Variants in RABGAP1L observed in about 807,000 individuals in gnomAD.
RABGAP1L encodes RAB GTPase activating protein 1 like, also known as rab GTPase-activating protein 1-like.
RABGAP1L carries 63 observed loss-of-function variants against 137.7 expected under a neutral mutation model. The ratio of observed to expected loss-of-function variants is 0.46; its 90% CI spans 0.37 to 0.56. The LOEUF is 0.56. Among genes scored for constraint, RABGAP1L ranks in the 20% least tolerant of loss-of-function variants. The pLI is 0.00. For synonymous variants in RABGAP1L, 431 were observed against 433.7 expected (o/e 0.99, Z 0.08); for missense variants, 1,095 against 1,244.0 (o/e 0.88, Z 1.80).
At chr1:174,941,429 A>T (rs915648121) in intron 19 of RABGAP1L, among the ~76,000 whole-genome samples, 4 of 152,210 alleles carry the variant, frequency 2.6e-5, no homozygotes, top group Non-Finnish European at 5.9e-5. Context: ...GGATGTCAGA[A>T]ATAATTTCAA....
intron 19 of RABGAP1L, chr1:174,897,745 T>C (rs1035969832): frequency 4.6e-5 from 7 of 152,350 alleles, no homozygotes; most frequent in African/African-American, 1.7e-4. Flanking sequence ...ATCCCAGCAC[T>C]TTGGGAGGCC....
intron 13 of RABGAP1L, among the ~76,000 whole-genome samples, chr1:174,533,982 G>A (rs1572204565): frequency 1.3e-5 from 2 of 152,082 alleles, no homozygotes; most frequent in Admixed American, 1.3e-4. Flanking sequence ...CACAAAATAT[G>A]TGTTAATCAA....
chr1:174,781,202 C>T (rs2148763988), intron 18 of RABGAP1L, among the ~76,000 whole-genome samples: 1 of 152,282 alleles, frequency 6.6e-6, no homozygotes, highest in Non-Finnish European at 1.5e-5. Flanking sequence ...TAAAAATGTT[C>T]CTATTTCTCC....
intron 19 of RABGAP1L, among the ~76,000 whole-genome samples, chr1:174,946,941 T>TGG: frequency 6.4e-5 from 3 of 46,684 alleles, no homozygotes; most frequent in Admixed American, 2.6e-4. Flanking sequence ...TATATATATA[T>TGG]GTGTGTGTGT....
intron 14 of RABGAP1L, among the ~76,000 whole-genome samples, chr1:174,657,039 C>CT (rs1364293072): frequency 2.4e-4 from 36 of 152,280 alleles, no homozygotes; most frequent in African/African-American, 7.7e-4. Context: ...GCATTGCTCT[C>CT]TAAGTTCTCA....
intron 13 of RABGAP1L, among the ~76,000 whole-genome samples, chr1:174,532,524 A>G (rs1195077150): frequency 6.6e-6 from 1 of 152,104 alleles, no homozygotes; most frequent in African/African-American, 2.4e-5. Context: ...TTTCAAGAAG[A>G]TGAAATTGAT....
intron 11 of RABGAP1L, among the ~76,000 whole-genome samples, chr1:174,317,093 G>C (rs1305803650): frequency 6.6e-6 from 1 of 151,934 alleles, no homozygotes; most frequent in Non-Finnish European, 1.5e-5. Flanking sequence ...CAAGAGTCAA[G>C]TTCTGGAATC....
At chr1:174,177,975 G>A (rs527596157) in intron 1 of RABGAP1L, among the ~76,000 whole-genome samples, 2 of 152,182 alleles carry the variant, frequency 1.3e-5, no homozygotes, top group Admixed American at 1.3e-4. Context: ...TTGTTTTTTG[G>A]TTCCATATGA....
At chr1:174,385,393 A>T (rs556084690) in intron 12 of RABGAP1L, among the ~76,000 whole-genome samples, 82 of 152,330 alleles carry the variant, frequency 5.4e-4, no homozygotes, top group African/African-American at 1.8e-3. Context: ...AGATGTTGAG[A>T]TGCATTTAAG....
At chr1:174,466,523 A>G (rs1230486443) in intron 13 of RABGAP1L, among the ~76,000 whole-genome samples, 2 of 152,172 alleles carry the variant, frequency 1.3e-5, no homozygotes, top group African/African-American at 4.8e-5. Context: ...ATGGTGGCTC[A>G]CGCCTGTAAT....
At chr1:174,324,457 A>G (rs1233996639) in intron 11 of RABGAP1L, among the ~76,000 whole-genome samples, 1 of 152,104 alleles carries the variant, frequency 6.6e-6, no homozygotes, top group African/African-American at 2.4e-5. Context: ...TGGGAGGAAA[A>G]TGTATTCAGT....
At chr1:174,967,283 C>G (rs947525754) in intron 20 of RABGAP1L, among the ~76,000 whole-genome samples, 1 of 151,230 alleles carries the variant, frequency 6.6e-6, no homozygotes, top group Non-Finnish European at 1.5e-5. Flanking sequence ...CCAACCTCAG[C>G]CTCCCCAGTA....
intron 17 of RABGAP1L, among the ~76,000 whole-genome samples, chr1:174,734,813 A>C (rs1682793731): frequency 6.6e-6 from 1 of 152,016 alleles, no homozygotes; most frequent in Non-Finnish European, 1.5e-5. Context: ...AATACAAATA[A>C]TTTTTGCTTA....
chr1:174,327,273 T>A (rs1048940583), intron 11 of RABGAP1L, among the ~76,000 whole-genome samples: 2 of 151,828 alleles, frequency 1.3e-5, no homozygotes, highest in Non-Finnish European at 2.9e-5. Context: ...AATAATTTGC[T>A]AAGGTATAAA....
chr1:174,793,434 A>T (rs551278664), intron 18 of RABGAP1L, among the ~76,000 whole-genome samples: 1 of 152,232 alleles, frequency 6.6e-6, no homozygotes, highest in Non-Finnish European at 1.5e-5. Flanking sequence ...TTTTACAGAG[A>T]TGCTATAAAC....
chr1:174,497,421 A>G (rs180811298), intron 13 of RABGAP1L, among the ~76,000 whole-genome samples: 19 of 152,332 alleles, frequency 1.2e-4, no homozygotes, highest in African/African-American at 4.6e-4. Flanking sequence ...TCTCTTAAAT[A>G]AGGAAGCTAT....
intron 13 of RABGAP1L, among the ~76,000 whole-genome samples, chr1:174,564,396 A>G (rs923966440): frequency 6.6e-6 from 1 of 152,158 alleles, no homozygotes; most frequent in Non-Finnish European, 1.5e-5. Flanking sequence ...CAGCTACTCT[A>G]CCAGGTGCTT....
chr1:174,391,782 A>G (rs973128032), intron 12 of RABGAP1L, among the ~76,000 whole-genome samples: 2 of 152,214 alleles, frequency 1.3e-5, no homozygotes, highest in African/African-American at 4.8e-5. Context: ...TTTCCCTTAC[A>G]TGATATTATA....
In RABGAP1L at chr1:174,938,864, A is replaced by G. The variant is rs140830242; in HGVS notation, c.2341-18593A>G. On this transcript the variant is annotated intron_variant, in intron 19 of 25. Transcript: ENST00000681986. ...TGAGGGTTGAAATACACATTTTCCC[A>G]TACCATATTTTTCATGCCTCCCCAC... Among the ~76,000 whole-genome samples, 826 of 152,262 alleles carry G rather than the reference A, an allele frequency of 5.4e-3. 2 individuals are homozygous for G. Among genetic ancestry groups the G allele is most frequent in the Middle Eastern group, 0.01 (3 of 294 alleles).
Sources: allele counts gnomAD v4.1 joint callset (sites outside exome capture counted in the v4.1 genomes callset), GRCh38; gene constraint gnomAD v4.1.1; transcripts MANE v1.5; gene names NCBI Gene and HGNC (gene_info 2026-07-23, HGNC 2026-07-21).